The following RAP1B variants were observed in gnomAD, a reference collection of about 807,000 sequenced individuals.
RAP1B encodes ras-related protein Rap-1b.
A neutral mutation model predicts 27.5 loss-of-function variants in RAP1B; 1 was observed. The observed-to-expected ratio is 0.04, with a 90% CI of 0.01 to 0.17. The LOEUF is 0.17. Among genes scored for constraint, RAP1B ranks in the 10% least tolerant of loss-of-function variants. The probability of loss-of-function intolerance (pLI) is 1.00; values close to 1 mark genes in which losing one functional copy is unlikely to be tolerated. For synonymous variants in RAP1B, 75 were observed against 73.1 expected (o/e 1.03, Z -0.13); for missense variants, 84 against 214.8 (o/e 0.39, Z 3.81).
intron 2 of RAP1B, 118 bp from the exon 3 acceptor site, chr12:68,650,282 G>A (rs961784716): frequency 1.2e-5 from 11 of 943,170 alleles, no homozygotes; most frequent in Middle Eastern, 3.3e-4. Flanking sequence ...AGTATTGGCT[G>A]TGGTTTTTTT....
chr12:68,648,900 TATA>T (rs1873614501), intron 2 of RAP1B, 119 bp downstream of exon 2: 1 of 899,912 alleles, frequency 1.1e-6, no homozygotes, highest in Non-Finnish European at 1.7e-6. Context: ...TTAGAAGCAA[TATA>T]ATATTTTTCT....
intron 1 of RAP1B, among the ~76,000 whole-genome samples, chr12:68,635,238 G>T (rs570671633): frequency 1.9e-4 from 29 of 152,252 alleles, no homozygotes; most frequent in African/African-American, 6.7e-4. Context: ...CCTTCAAAAA[G>T]AATTTTTAAA....
chr12:68,611,767 A>G (rs995275035), intron 1 of RAP1B, among the ~76,000 whole-genome samples: 1 of 152,116 alleles, frequency 6.6e-6, no homozygotes, highest in African/African-American at 2.4e-5. Context: ...GCAAGAGGAA[A>G]TCTCTTTCTC....
chr12:68,628,919 A>G (rs1037604312), intron 1 of RAP1B, among the ~76,000 whole-genome samples: 8 of 152,232 alleles, frequency 5.3e-5, no homozygotes, highest in Admixed American at 6.5e-5. Context: ...TCTGGATTCT[A>G]ATCCTAAATC....
chr12:68,641,702 C>G (rs1164338266), intron 1 of RAP1B, among the ~76,000 whole-genome samples: 1 of 151,712 alleles, frequency 6.6e-6, no homozygotes, highest in African/African-American at 2.4e-5. Flanking sequence ...ATACTAAAAA[C>G]TACCCAAAAA....
intron 1 of RAP1B, chr12:68,626,966 G>A (rs1285995543): frequency 6.6e-7 from 1 of 1,520,686 alleles, no homozygotes; most frequent in African/African-American, 1.4e-5. Flanking sequence ...CAGTCACCAT[G>A]TCTTCAAACT....
At position 68,661,892 on chromosome 12, in the gene RAP1B, T is replaced by C. The variant is rs1032386342; in HGVS notation, c.*2643T>C. ...TTCCTGGGTTTTTAATCCCAGCTCT[T>C]CCAGTTCCTACTATATGCCTTTGGT... On this transcript the variant is annotated 3_prime_UTR_variant, in exon 8 of 8. Coordinates refer to ENST00000250559, the MANE Select transcript of RAP1B (RefSeq NM_001010942.3). 6.6e-6 allele frequency: 1 copy of C among 151,768 alleles called. No individual in the cohort carries two copies. Among genetic ancestry groups the C allele is most frequent in the Non-Finnish European group, 1.5e-5 (1 of 67,950 alleles). The allele number at this position is 151,768 out of a possible 1,614,324, so 9.4% of individuals were successfully genotyped here.
chr12:68,665,010 T>G lies in RAP1B; in HGVS notation c.*5761T>G, dbSNP rs924420167. 2 of 151,744 alleles carry G rather than the reference T, an allele frequency of 1.3e-5. No homozygotes were observed. The highest frequency in any genetic ancestry group is 2.9e-5 in the Non-Finnish European group (2 of 67,904). The allele number at this position is 151,744 out of a possible 1,614,324, so 9.4% of individuals were successfully genotyped here. On this transcript the variant is annotated 3_prime_UTR_variant, in exon 8 of 8. Coordinates refer to ENST00000250559, the MANE Select transcript of RAP1B (RefSeq NM_001010942.3). Reference sequence around the variant, plus strand: ...TATGTGGCTGGCAGAAAAAAATAAGTGCGTGTGGTGGTGCTTGCCTGTAAT... The same window carrying G: ...TATGTGGCTGGCAGAAAAAAATAAGGGCGTGTGGTGGTGCTTGCCTGTAAT...
At chr12:68,657,871 TCACA>T (rs138840887) in intron 7 of RAP1B, among the ~76,000 whole-genome samples, 2 of 145,344 alleles carry the variant, frequency 1.4e-5, no homozygotes, top group Non-Finnish European at 3.0e-5. Context: ...CATGTGCCAG[TCACA>T]CACACACACA....
At chr12:68,638,420 G>C (rs1344072551) in intron 1 of RAP1B, among the ~76,000 whole-genome samples, 1 of 152,138 alleles carries the variant, frequency 6.6e-6, no homozygotes, top group African/African-American at 2.4e-5. Flanking sequence ...GTTGCATCTT[G>C]TCCTGGTTGA....
At chr12:68,616,876 T>A (rs1467169766) in intron 1 of RAP1B, among the ~76,000 whole-genome samples, 3 of 152,210 alleles carry the variant, frequency 2.0e-5, no homozygotes, top group Non-Finnish European at 4.4e-5. Flanking sequence ...AGCATTTCAC[T>A]AAGTAACTTT....
intron 1 of RAP1B, among the ~76,000 whole-genome samples, chr12:68,621,946 CAT>C (rs1237621343): frequency 1.3e-5 from 2 of 152,130 alleles, no homozygotes; most frequent in South Asian, 2.1e-4. Flanking sequence ...TCATTGTCCT[CAT>C]ATGTTTTTTT....
chr12:68,617,704 G>C (rs998281680), intron 1 of RAP1B, among the ~76,000 whole-genome samples: 2 of 152,134 alleles, frequency 1.3e-5, no homozygotes, highest in African/African-American at 4.8e-5. Flanking sequence ...TGTTGTTAGA[G>C]TTGTTGAGGA....
chr12:68,654,954 A>G (rs1051851828), intron 5 of RAP1B, among the ~76,000 whole-genome samples: 1 of 152,172 alleles, frequency 6.6e-6, no homozygotes, highest in African/African-American at 2.4e-5. Flanking sequence ...GGTCAGCAGT[A>G]GGACCCAGGA....
intron 1 of RAP1B, among the ~76,000 whole-genome samples, chr12:68,641,501 G>C (rs142869497): frequency 6.8e-4 from 103 of 152,248 alleles, no homozygotes; most frequent in African/African-American, 2.4e-3. Flanking sequence ...AGAGTAAATG[G>C]AAAAAGTTGT....
At chr12:68,632,442 A>C (rs534324960) in intron 1 of RAP1B, among the ~76,000 whole-genome samples, 1 of 151,978 alleles carries the variant, frequency 6.6e-6, no homozygotes, top group South Asian at 2.1e-4. Context: ...CCAAACAAAA[A>C]TTTTTTTTAA....
intron 1 of RAP1B, among the ~76,000 whole-genome samples, chr12:68,626,124 C>T (rs1871757365): frequency 6.6e-6 from 1 of 152,194 alleles, no homozygotes; most frequent in South Asian, 2.1e-4. Context: ...TTTAAAAAAG[C>T]TTCACCCATC....
Position 68,632,137 on chromosome 12 carries a change from TTTTTTTTTGTTTG to T in RAP1B, c.-26-16553_-26-16541del, listed in dbSNP as rs1363200283. Among the ~76,000 whole-genome samples the T allele has an allele frequency of 3.6e-4, 48 of 134,440 alleles. 2 individuals carry two copies. Among genetic ancestry groups the T allele is most frequent in the African/African-American group, 1.5e-3 (45 of 30,080 alleles). 88.2% of individuals were successfully genotyped at this position (134,440 alleles called of 152,430 possible). A position where few individuals can be genotyped will look rare whatever the true frequency, so the allele number is the denominator to read the frequency against. ...TTTTGGGTTTTGGATTTGTTTTTTT[TTTTTTTTTGTTTG>T]TTTTTTTTTTCCAGACTGTTTGGCT... On this transcript the variant is annotated intron_variant, in intron 1 of 7. Coordinates refer to ENST00000250559, the MANE Select transcript of RAP1B (RefSeq NM_001010942.3).
chr12:68,620,606 C>CTTTTTT (rs71091541), intron 1 of RAP1B, among the ~76,000 whole-genome samples: 1 of 143,410 alleles, frequency 7.0e-6, no homozygotes, highest in Non-Finnish European at 1.5e-5. Flanking sequence ...TTTTCCTTTT[C>CTTTTTT]TTTTTTTTTT....
Sources: allele counts gnomAD v4.1 joint callset (sites outside exome capture counted in the v4.1 genomes callset), GRCh38; gene constraint gnomAD v4.1.1; transcripts MANE v1.5; gene names NCBI Gene and HGNC (gene_info 2026-07-23, HGNC 2026-07-21).